Variants in OTUD7A observed in about 807,000 individuals in gnomAD.
OTUD7A encodes the protein OTU domain-containing protein 7A.
Under a neutral mutation model 65.7 loss-of-function variants are expected in OTUD7A, and 12 were observed. The ratio of observed to expected loss-of-function variants is 0.18; its 90% confidence interval spans 0.12 to 0.30. OTUD7A has a LOEUF of 0.30. Among genes scored for constraint, OTUD7A ranks in the 10% least tolerant of loss-of-function variants. The pLI is 1.00. For synonymous variants in OTUD7A, 641 were observed against 586.3 expected (o/e 1.09, Z -1.35); for missense variants, 1,148 against 1,304.8 (o/e 0.88, Z 1.85).
intron 1 of OTUD7A, among the ~76,000 whole-genome samples, chr15:31,674,652 A>G (rs1892557012): frequency 6.6e-6 from 1 of 152,198 alleles, no homozygotes; most frequent in Non-Finnish European, 1.5e-5. Context: ...TGCATGTGCC[A>G]TGCTGGACGA....
intron 8 of OTUD7A, among the ~76,000 whole-genome samples, chr15:31,523,355 A>C (rs1380296287): frequency 6.6e-6 from 1 of 152,164 alleles, no homozygotes; most frequent in Non-Finnish European, 1.5e-5. Flanking sequence ...GGCTCGCTGG[A>C]GGTCCCAGTG....
intron 1 of OTUD7A, among the ~76,000 whole-genome samples, chr15:31,867,902 C>T (rs1443286395): frequency 8.1e-6 from 1 of 123,800 alleles, no homozygotes; most frequent in Non-Finnish European, 1.7e-5. Flanking sequence ...CATGCGGGAG[C>T]GGAGGGGGAG....
intron 1 of OTUD7A, among the ~76,000 whole-genome samples, chr15:31,664,899 G>A (rs192457261): frequency 7.6e-4 from 115 of 152,150 alleles, no homozygotes; most frequent in Admixed American, 5.1e-3. Context: ...TCCCAGCATC[G>A]TTTGCTCAAA....
At chr15:31,710,560 G>T (rs910812960) in intron 1 of OTUD7A, among the ~76,000 whole-genome samples, 1 of 152,162 alleles carries the variant, frequency 6.6e-6, no homozygotes, top group Admixed American at 6.5e-5. Context: ...GGGCACCAGA[G>T]GGAGACCTGG....
At chr15:31,550,729 G>A (rs1888294615) in intron 5 of OTUD7A, among the ~76,000 whole-genome samples, 2 of 152,126 alleles carry the variant, frequency 1.3e-5, no homozygotes. Context: ...CCAAATGTGT[G>A]GTAATTTGTT....
In OTUD7A at chr15:31,483,635, C is replaced by T. The variant is rs1195484005; in HGVS notation, c.2461G>A (p.Ala821Thr). 4.2e-6 allele frequency: 5 copies of T among 1,179,626 alleles called. No individual in the cohort carries two copies. Among genetic ancestry groups the T allele is most frequent in the Non-Finnish European group, 1.0e-6 (1 of 957,344 alleles). The allele number at this position is 1,179,626 out of a possible 1,614,324, so 73.1% of individuals were successfully genotyped here. Residue 821 changes from alanine to threonine, a missense_variant, in exon 13 of 13, where the codon GCC becomes ACC. Coordinates refer to ENST00000307050, the MANE Select transcript of OTUD7A (RefSeq NM_001382637.1). ...LSSQSYSPAR[A>T]AALRTVNTVE... ...GTGTTGACGGTGCGCAGGGCGGCGG[C>T]GCGCGCCGGGCTGTAGCTCTGCGAC...
At chr15:31,684,473 C>A (rs898875188) in intron 1 of OTUD7A, among the ~76,000 whole-genome samples, 1 of 152,090 alleles carries the variant, frequency 6.6e-6, no homozygotes, top group African/African-American at 2.4e-5. Flanking sequence ...AGTCAGAGTG[C>A]ACCTTAGCTC....
chr15:31,728,478 G>C (rs1044729250), intron 1 of OTUD7A, among the ~76,000 whole-genome samples: 1 of 152,196 alleles, frequency 6.6e-6, no homozygotes, highest in African/African-American at 2.4e-5. Flanking sequence ...GAATTACAGA[G>C]AGAATTAAAC....
intron 1 of OTUD7A, among the ~76,000 whole-genome samples, chr15:31,704,393 A>G (rs1893280083): frequency 1.2e-5 from 1 of 85,716 alleles, no homozygotes; most frequent in South Asian, 6.4e-4. Flanking sequence ...GAACATTTTG[A>G]GGCACTTTTT....
chr15:31,655,077 A>G lies in OTUD7A; in HGVS notation c.151+19T>C, dbSNP rs2654148. On this transcript the variant is annotated intron_variant, in intron 3 of 12. Coordinates refer to ENST00000307050, the MANE Select transcript of OTUD7A (RefSeq NM_001382637.1). Reference sequence around the variant, plus strand: ...TTATGCCCAGAATGGTGGTGTGGGGAACAAGGAGGTGGGCTTACCTTCCAG... The same window carrying G: ...TTATGCCCAGAATGGTGGTGTGGGGGACAAGGAGGTGGGCTTACCTTCCAG... 82 of 1,610,372 alleles carry G rather than the reference A, an allele frequency of 5.1e-5. No individual in the cohort carries two copies. Among genetic ancestry groups the G allele is most frequent in the Middle Eastern group, 3.3e-4 (2 of 6,056 alleles).
At chr15:31,865,324 T>C (rs185789139) in intron 1 of OTUD7A, among the ~76,000 whole-genome samples, 86 of 152,190 alleles carry the variant, frequency 5.7e-4, no homozygotes, top group African/African-American at 1.9e-3. Context: ...ATTAGAGGAA[T>C]TGTGAGGAAA....
At position 31,749,412 on chromosome 15, in the gene OTUD7A, T is replaced by C. The variant is rs145773613; in HGVS notation, c.-99-92335A>G. ...ACAGTTTGGTATTCAGTGTGTGAATTTGAGACAGATATCCCCCATGAGCCA... is the reference window on the plus strand; with the variant it reads ...ACAGTTTGGTATTCAGTGTGTGAATCTGAGACAGATATCCCCCATGAGCCA... On this transcript the variant is annotated intron_variant, in intron 1 of 12. Coordinates refer to ENST00000307050, the MANE Select transcript of OTUD7A (RefSeq NM_001382637.1). Among the ~76,000 whole-genome samples, 212 of 152,298 alleles carry C rather than the reference T, an allele frequency of 1.4e-3. 1 individual carries two copies. Among genetic ancestry groups the C allele is most frequent in the African/African-American group, 4.9e-3 (202 of 41,560 alleles).
intron 3 of OTUD7A, among the ~76,000 whole-genome samples, chr15:31,610,369 A>T (rs886128508): frequency 2.0e-5 from 3 of 151,800 alleles, no homozygotes; most frequent in African/African-American, 7.3e-5. Context: ...GAACTTTAAT[A>T]CTCCACTGAC....
chr15:31,744,399 CAAGTA>C (rs1894421827), intron 1 of OTUD7A, among the ~76,000 whole-genome samples: 1 of 151,956 alleles, frequency 6.6e-6, no homozygotes, highest in African/African-American at 2.4e-5. Flanking sequence ...TAATCAAGAC[CAAGTA>C]GAGTGTATCC....
intron 3 of OTUD7A, among the ~76,000 whole-genome samples, chr15:31,598,008 A>C (rs1355900221): frequency 3.9e-5 from 6 of 152,002 alleles, no homozygotes; most frequent in African/African-American, 1.5e-4. Context: ...GCCAGGGCTG[A>C]GATGGGCTGA....
intron 3 of OTUD7A, among the ~76,000 whole-genome samples, chr15:31,612,365 T>C (rs972676408): frequency 1.3e-5 from 2 of 152,222 alleles, no homozygotes; most frequent in African/African-American, 2.4e-5. Flanking sequence ...CTGTCAATGT[T>C]GGCTAACAAT....
At chr15:31,578,700 T>C (rs1011048544) in intron 3 of OTUD7A, among the ~76,000 whole-genome samples, 3 of 152,142 alleles carry the variant, frequency 2.0e-5, no homozygotes, top group Non-Finnish European at 2.9e-5. Flanking sequence ...TACAGGCGCC[T>C]GCCACTACGC....
intron 3 of OTUD7A, among the ~76,000 whole-genome samples, chr15:31,615,575 T>G (rs1890561189): frequency 6.6e-6 from 1 of 152,166 alleles, no homozygotes; most frequent in South Asian, 2.1e-4. Context: ...TGGATTTAAA[T>G]CACATGAAAA....
intron 1 of OTUD7A, among the ~76,000 whole-genome samples, chr15:31,749,443 G>A (rs571891159): frequency 3.9e-5 from 6 of 152,206 alleles, no homozygotes; most frequent in African/African-American, 1.4e-4. Flanking sequence ...AGCCAACAAC[G>A]CCACATCATT....
Sources: gnomAD v4.1 joint callset for allele counts (sites outside exome capture counted in the v4.1 genomes callset) on GRCh38, gnomAD v4.1.1 for gene constraint, MANE v1.5 for transcripts, NCBI Gene and HGNC (gene_info 2026-07-23, HGNC 2026-07-21) for gene names.